Variants in CADM2 observed in about 807,000 individuals in gnomAD.
CADM2 encodes the protein cell adhesion molecule 2.
A neutral mutation model predicts 49.8 loss-of-function variants in CADM2; 12 were observed. The ratio of observed to expected loss-of-function variants is 0.24; its 90% CI spans 0.15 to 0.39. The LOEUF is 0.39. CADM2 is among the 10% of genes least tolerant of loss of function. The pLI is 1.00. For synonymous variants in CADM2, 214 were observed against 175.4 expected (o/e 1.22, Z -1.74); for missense variants, 378 against 492.3 (o/e 0.77, Z 2.20).
intron 8 of CADM2, among the ~76,000 whole-genome samples, chr3:86,029,586 A>G (rs1734315707): frequency 6.6e-6 from 1 of 151,900 alleles, no homozygotes; most frequent in Non-Finnish European, 1.5e-5. Context: ...GGCCTAGGAT[A>G]ATAATATCAA....
At chr3:85,411,885 TG>T (rs2035673185) in intron 1 of CADM2, among the ~76,000 whole-genome samples, 1 of 152,174 alleles carries the variant, frequency 6.6e-6, no homozygotes, top group South Asian at 2.1e-4. Flanking sequence ...TCACCCAAGC[TG>T]GAGTGATCTC....
chr3:85,248,728 G>T (rs566583712), intron 1 of CADM2, among the ~76,000 whole-genome samples: 6 of 152,098 alleles, frequency 3.9e-5, no homozygotes, highest in Admixed American at 6.6e-5. Context: ...TATTTAAATC[G>T]AAAGTAGGTT....
intron 1 of CADM2, among the ~76,000 whole-genome samples, chr3:85,308,944 T>A (rs1237406151): frequency 6.6e-6 from 1 of 152,080 alleles, no homozygotes; most frequent in Admixed American, 6.6e-5. Context: ...GTCAGTTAAA[T>A]CATTTGACAA....
chr3:85,267,748 C>T (rs2043153057), intron 1 of CADM2, among the ~76,000 whole-genome samples: 1 of 150,982 alleles, frequency 6.6e-6, no homozygotes. Flanking sequence ...AAAAACTGAC[C>T]CTAGAGTTTA....
chr3:85,436,932 T>C (rs1349874547), intron 1 of CADM2, among the ~76,000 whole-genome samples: 2 of 152,196 alleles, frequency 1.3e-5, no homozygotes, highest in African/African-American at 4.8e-5. Flanking sequence ...GAAATATATG[T>C]TGAATGTATT....
At chr3:85,528,223 C>T (rs1488549328) in intron 1 of CADM2, among the ~76,000 whole-genome samples, 1 of 152,094 alleles carries the variant, frequency 6.6e-6, no homozygotes, top group Non-Finnish European at 1.5e-5. Flanking sequence ...CTAAGTGCCA[C>T]ACATCAGTTT....
intron 1 of CADM2, among the ~76,000 whole-genome samples, chr3:85,515,191 C>G (rs1234511177): frequency 6.6e-6 from 1 of 151,954 alleles, no homozygotes; most frequent in Admixed American, 6.6e-5. Context: ...TTAGTCTACT[C>G]AGAATAATAC....
intron 1 of CADM2, among the ~76,000 whole-genome samples, chr3:85,675,201 A>G (rs1195417300): frequency 6.6e-6 from 1 of 152,164 alleles, no homozygotes; most frequent in Non-Finnish European, 1.5e-5. Context: ...TCTGGTACTG[A>G]TAACAATGTA....
At chr3:85,977,358 A>G (rs1367717491) in intron 8 of CADM2, among the ~76,000 whole-genome samples, 1 of 151,436 alleles carries the variant, frequency 6.6e-6, no homozygotes, top group Non-Finnish European at 1.5e-5. Flanking sequence ...TGGAAATAAC[A>G]GATCATTTAC....
At chr3:85,962,370 G>T (rs1724945403) in intron 8 of CADM2, among the ~76,000 whole-genome samples, 1 of 151,968 alleles carries the variant, frequency 6.6e-6, no homozygotes, top group East Asian at 2.0e-4. Context: ...CAGTGTCATT[G>T]AAATGCAGCA....
At chr3:85,933,841 A>T (rs1720885196) in intron 6 of CADM2, among the ~76,000 whole-genome samples, 1 of 152,160 alleles carries the variant, frequency 6.6e-6, no homozygotes, top group Admixed American at 6.6e-5. Flanking sequence ...TCAGGCAGGA[A>T]GATTTATTTT....
At chr3:85,185,916 T>C (rs573015724) in intron 1 of CADM2, among the ~76,000 whole-genome samples, 5 of 152,280 alleles carry the variant, frequency 3.3e-5, no homozygotes, top group African/African-American at 1.2e-4. Context: ...TGATTATTCT[T>C]CAACCGCAAA....
At chr3:85,890,068 A>G (rs188970419) in intron 5 of CADM2, among the ~76,000 whole-genome samples, 98 of 152,262 alleles carry the variant, frequency 6.4e-4, no homozygotes, top group African/African-American at 2.3e-3. Context: ...TTTTGCCAAG[A>G]TTGAGGACGT....
intron 1 of CADM2, among the ~76,000 whole-genome samples, chr3:85,011,661 C>T (rs1336246115): frequency 6.6e-6 from 1 of 151,874 alleles, no homozygotes; most frequent in African/African-American, 2.4e-5. Flanking sequence ...CTTTTGGGGG[C>T]CAACACAGGA....
At chr3:85,600,029 A>G (rs956030210) in intron 1 of CADM2, among the ~76,000 whole-genome samples, 3 of 152,086 alleles carry the variant, frequency 2.0e-5, no homozygotes, top group African/African-American at 4.8e-5. Context: ...TAGCACAAAC[A>G]TCTTAAAGCT....
At chr3:85,501,980 C>T (rs1000281481) in intron 1 of CADM2, among the ~76,000 whole-genome samples, 1 of 135,378 alleles carries the variant, frequency 7.4e-6, no homozygotes, top group Non-Finnish European at 1.5e-5. Context: ...TAATATAATT[C>T]TTCTTCTAAG....
At chr3:85,981,729 A>G (rs1291123258) in intron 8 of CADM2, among the ~76,000 whole-genome samples, 1 of 151,692 alleles carries the variant, frequency 6.6e-6, no homozygotes, top group African/African-American at 2.4e-5. Context: ...ATGCATATGT[A>G]CCACATTTTC....
chr3:86,046,193 G>GT (rs1736661161), intron 8 of CADM2, among the ~76,000 whole-genome samples: 1 of 151,994 alleles, frequency 6.6e-6, no homozygotes, highest in African/African-American at 2.4e-5. Flanking sequence ...CCTAAATTAT[G>GT]TTTTTATTTT....
intron 8 of CADM2, among the ~76,000 whole-genome samples, chr3:85,998,145 G>T (rs144061403): frequency 6.6e-6 from 1 of 152,126 alleles, no homozygotes; most frequent in Non-Finnish European, 1.5e-5. Context: ...AAAATGCTGG[G>T]GTAGCAGGGT....
Sources: gnomAD v4.1 joint callset for allele counts (sites outside exome capture counted in the v4.1 genomes callset) on GRCh38, gnomAD v4.1.1 for gene constraint, MANE v1.5 for transcripts, NCBI Gene and HGNC (gene_info 2026-07-23, HGNC 2026-07-21) for gene names.